PKNOX2: variants seen among roughly 807,000 people sequenced by gnomAD.
The protein encoded by PKNOX2 is PBX/knotted 1 homeobox 2, also known as homeobox protein PKNOX2.
PKNOX2 carries 14 observed loss-of-function variants against 53.1 expected under a neutral mutation model. The ratio of observed to expected loss-of-function variants is 0.26; its 90% CI spans 0.17 to 0.41. The LOEUF is 0.41. Among genes scored for constraint, PKNOX2 ranks in the 10% least tolerant of loss-of-function variants. The pLI, the probability that PKNOX2 is intolerant of heterozygous loss-of-function variation, is 1.00. For synonymous variants in PKNOX2, 257 were observed against 242.8 expected, an observed-to-expected ratio of 1.06 and a Z score of -0.54; for missense variants, 496 against 602.8, an observed-to-expected ratio of 0.82 and a Z score of 1.85.
intron 3 of PKNOX2, among the ~76,000 whole-genome samples, chr11:125,347,278 C>T (rs1951030436): frequency 6.6e-6 from 1 of 152,182 alleles, no homozygotes; most frequent in South Asian, 2.1e-4. Flanking sequence ...TGCTGTCAGG[C>T]CAGCTGGCCA....
chr11:125,290,293 C>T (rs1014893139), intron 2 of PKNOX2, among the ~76,000 whole-genome samples: 1 of 152,202 alleles, frequency 6.6e-6, no homozygotes, highest in Non-Finnish European at 1.5e-5. Flanking sequence ...GCGGAGCCGG[C>T]CTTGGTCAGG....
At chr11:125,258,190 A>C (rs1944559883) in intron 2 of PKNOX2, among the ~76,000 whole-genome samples, 1 of 152,114 alleles carries the variant, frequency 6.6e-6, no homozygotes. Flanking sequence ...GACTTTCCTT[A>C]GCTTCTTTCT....
At chr11:125,293,807 A>C (rs956631454) in intron 2 of PKNOX2, among the ~76,000 whole-genome samples, 3 of 136,642 alleles carry the variant, frequency 2.2e-5, no homozygotes, top group African/African-American at 1.1e-4. Flanking sequence ...ACACGCTCAC[A>C]CACACTCACA....
intron 1 of PKNOX2, among the ~76,000 whole-genome samples, chr11:125,175,996 T>C (rs1955680593): frequency 1.3e-5 from 2 of 152,322 alleles, no homozygotes; most frequent in South Asian, 4.1e-4. Context: ...CGCCTTCTCA[T>C]ACTCACTCAC....
intron 3 of PKNOX2, among the ~76,000 whole-genome samples, chr11:125,344,207 T>C (rs1950852724): frequency 6.6e-6 from 1 of 152,118 alleles, no homozygotes; most frequent in Non-Finnish European, 1.5e-5. Flanking sequence ...CTGGGGTCAG[T>C]GAGTGCATAA....
At chr11:125,383,446 A>T (rs1246874942) in intron 5 of PKNOX2, among the ~76,000 whole-genome samples, 53 of 27,946 alleles carry the variant, frequency 1.9e-3, no homozygotes, top group Non-Finnish European at 3.1e-3. Flanking sequence ...CCTCTCTGCT[A>T]AAAAAAAAAA....
intron 2 of PKNOX2, among the ~76,000 whole-genome samples, chr11:125,281,959 G>A (rs1181329110): frequency 6.6e-6 from 1 of 152,182 alleles, no homozygotes; most frequent in Non-Finnish European, 1.5e-5. Flanking sequence ...AAGTGGAGAG[G>A]GCTGACATTC....
intron 4 of PKNOX2, among the ~76,000 whole-genome samples, chr11:125,357,930 C>T (rs954432755): frequency 2.8e-4 from 43 of 152,178 alleles, no homozygotes; most frequent in African/African-American, 8.4e-4. Flanking sequence ...GTGGGCCATG[C>T]GGACATTGTG....
intron 4 of PKNOX2, among the ~76,000 whole-genome samples, chr11:125,365,389 A>G (rs945385809): frequency 2.0e-5 from 3 of 151,992 alleles, no homozygotes; most frequent in Non-Finnish European, 4.4e-5. Context: ...GACACTTTTG[A>G]TATATTGAGC....
chr11:125,189,409 ATATATGTGTGTGTG>A (rs1956665058), intron 1 of PKNOX2, among the ~76,000 whole-genome samples: 2 of 35,424 alleles, frequency 5.6e-5, no homozygotes, highest in South Asian at 1.3e-3. Flanking sequence ...GTGTGTATAT[ATATATGTGTGTGTG>A]TGTGTGTGTG....
intron 1 of PKNOX2, among the ~76,000 whole-genome samples, chr11:125,169,689 G>T (rs1282724612): frequency 6.6e-6 from 1 of 152,124 alleles, no homozygotes; most frequent in Non-Finnish European, 1.5e-5. Flanking sequence ...CACAGGCTGC[G>T]CTCTGAGTAA....
At chr11:125,306,817 C>T (rs1948491170) in intron 2 of PKNOX2, among the ~76,000 whole-genome samples, 1 of 152,164 alleles carries the variant, frequency 6.6e-6, no homozygotes, top group African/African-American at 2.4e-5. Flanking sequence ...GACTGAGAGA[C>T]CAGGCCCCAC....
intron 2 of PKNOX2, among the ~76,000 whole-genome samples, chr11:125,235,449 T>C (rs1336360466): frequency 6.6e-6 from 1 of 152,226 alleles, no homozygotes; most frequent in Admixed American, 6.5e-5. Flanking sequence ...GGGCTAAGCC[T>C]GGAAGGCAAT....
At chr11:125,279,970 C>T (rs1395050316) in intron 2 of PKNOX2, among the ~76,000 whole-genome samples, 3 of 151,750 alleles carry the variant, frequency 2.0e-5, no homozygotes, top group African/African-American at 7.3e-5. Context: ...GGGGGATTAA[C>T]TCATTTTATA....
At chr11:125,164,855 C>T in intron 1 of PKNOX2, 79 bp downstream of exon 1, 3 of 177,868 alleles carry the variant, frequency 1.7e-5, no homozygotes, top group Non-Finnish European at 3.5e-5. Flanking sequence ...CTGCTGCGGG[C>T]GGCTGCCTCA....
intron 2 of PKNOX2, among the ~76,000 whole-genome samples, chr11:125,235,908 G>C (rs1283789383): frequency 1.3e-5 from 2 of 152,192 alleles, no homozygotes; most frequent in Admixed American, 6.5e-5. Flanking sequence ...TGCACACTCA[G>C]CCTAGTCGCT....
At chr11:125,193,411 A>T (rs142632534) in intron 1 of PKNOX2, among the ~76,000 whole-genome samples, 1 of 152,102 alleles carries the variant, frequency 6.6e-6, no homozygotes, top group Non-Finnish European at 1.5e-5. Context: ...TCTGAGGCAA[A>T]GTTGAGGTTT....
chr11:125,340,537 G>T lies in PKNOX2; in HGVS notation c.-23+8612G>T, dbSNP rs568372536. On this transcript the variant is annotated intron_variant, in intron 3 of 12. Coordinates refer to ENST00000298282, the MANE Select transcript of PKNOX2 (RefSeq NM_001382323.2). Reference sequence around the variant, plus strand: ...AACAACCGTAATGCCGACACCATCTGGTTGTTAAGGAAAAGAGACCAGGTG... The same window carrying T: ...AACAACCGTAATGCCGACACCATCTTGTTGTTAAGGAAAAGAGACCAGGTG... Among the ~76,000 whole-genome samples, 145 of 152,324 alleles carry T rather than the reference G, an allele frequency of 9.5e-4. 1 individual carries two copies. Among genetic ancestry groups the T allele is most frequent in the African/African-American group, 3.4e-3 (141 of 41,584 alleles).
intron 2 of PKNOX2, among the ~76,000 whole-genome samples, chr11:125,305,079 G>A (rs577064631): frequency 3.2e-4 from 48 of 152,268 alleles, no homozygotes; most frequent in African/African-American, 1.1e-3. Context: ...CTGGCCCAGC[G>A]CCACACACTC....
Sources: allele counts gnomAD v4.1 joint callset (sites outside exome capture counted in the v4.1 genomes callset), GRCh38; gene constraint gnomAD v4.1.1; transcripts MANE v1.5; gene names NCBI Gene and HGNC (gene_info 2026-07-23, HGNC 2026-07-21).